Variants in CAT observed in about 807,000 individuals in gnomAD.
The protein encoded by CAT is catalase.
Under a neutral mutation model 59.0 loss-of-function variants are expected in CAT, and 43 were observed. That is an observed-to-expected ratio of 0.73 (90% CI 0.57 to 0.94). The LOEUF is 0.94. Among genes scored for constraint, CAT ranks in the 40% least tolerant of loss-of-function variants. The probability of loss-of-function intolerance (pLI) is 0.00; values close to 1 mark genes in which losing one functional copy is unlikely to be tolerated. For synonymous variants in CAT, 218 were observed against 230.9 expected (o/e 0.94, Z 0.51); for missense variants, 664 against 682.9 (o/e 0.97, Z 0.31).
At chr11:34,458,452 C>T (rs1856614862) in intron 8 of CAT, among the ~76,000 whole-genome samples, 1 of 152,124 alleles carries the variant, frequency 6.6e-6, no homozygotes, top group African/African-American at 2.4e-5. Context: ...TTGGGAATAG[C>T]AAAAGGAAAG....
chr11:34,453,025 A>G, intron 4 of CAT, 65 bp from the exon 5 acceptor site: 1 of 950,424 alleles, frequency 1.1e-6, no homozygotes, highest in Non-Finnish European at 1.7e-6. Flanking sequence ...GGCATATATA[A>G]TGAAAGACAC....
intron 12 of CAT, 36 bp from the exon 13 acceptor site, chr11:34,471,332 G>A: frequency 6.5e-7 from 1 of 1,528,580 alleles, no homozygotes; most frequent in Non-Finnish European, 9.1e-7. Context: ...CTGCCCATGA[G>A]GTGATTAACC....
At position 34,438,968 on chromosome 11, in the gene CAT, A is replaced by G; in HGVS notation, c.-46A>G. ...ATTTGCCTGCTGAGGGTGGAGACCC[A>G]CGAGCCGAGGCCTCCTGCAGTGTTC... On this transcript the variant is annotated 5_prime_UTR_variant, in exon 1 of 13. Transcript: ENST00000241052. 1 of 1,528,624 alleles carries G rather than the reference A, an allele frequency of 6.5e-7. No homozygotes were observed. The highest frequency in any genetic ancestry group is 8.9e-7 in the Non-Finnish European group (1 of 1,125,014). The allele number at this position is 1,528,624 out of a possible 1,614,324, so 94.7% of individuals were successfully genotyped here. A position where few individuals can be genotyped will look rare whatever the true frequency, so the allele number is the denominator to read the frequency against.
Position 34,445,179 on chromosome 11 carries a change from A to G in CAT, c.67-4013A>G, listed in dbSNP as rs796908184. On this transcript the variant is annotated intron_variant, in intron 1 of 12. Coordinates refer to ENST00000241052, the MANE Select transcript of CAT (RefSeq NM_001752.4). The stretch of plus-strand genomic sequence containing the variant: ...TCAGGTATATAGATGTAAAAGGAGT[A>G]CACAGTCTAGAGAGGAAAAATAGTG... 5.3e-4 allele frequency among the ~76,000 whole-genome samples: 81 copies of G among 152,166 alleles called. 1 individual carries two copies. The highest frequency in any genetic ancestry group is 1.7e-3 in the African/African-American group (72 of 41,508).
At chr11:34,459,281 TA>T (rs773203586) in intron 8 of CAT, among the ~76,000 whole-genome samples, 20 of 152,110 alleles carry the variant, frequency 1.3e-4, no homozygotes, top group Non-Finnish European at 2.8e-4. Flanking sequence ...GAAAGCCAGT[TA>T]GGGGGGCTTT....
At chr11:34,445,772 A>G (rs542841667) in intron 1 of CAT, among the ~76,000 whole-genome samples, 1 of 152,262 alleles carries the variant, frequency 6.6e-6, no homozygotes, top group South Asian at 2.1e-4. Context: ...TTCTGGCTCT[A>G]AAGTTATTCA....
At chr11:34,444,324 A>G (rs1387992074) in intron 1 of CAT, among the ~76,000 whole-genome samples, 1 of 152,224 alleles carries the variant, frequency 6.6e-6, no homozygotes, top group Admixed American at 6.5e-5. Flanking sequence ...CTCTTTCACA[A>G]GGAATAATAG....
rs35849009 is a variant in CAT at position 34,446,747 on chromosome 11, C to CTT, written c.67-2435_67-2434dup. Among the ~76,000 whole-genome samples, 185 of 147,746 alleles carry CTT rather than the reference C, an allele frequency of 1.3e-3. 1 individual carries two copies. Among genetic ancestry groups the CTT allele is most frequent in the African/African-American group, 3.8e-3 (155 of 40,394 alleles). On this transcript the variant is annotated intron_variant, in intron 1 of 12. Transcript: ENST00000241052. ...TGTACCTTTTATGGGATGTCCCCCC[C>CTT]TTTTTTTTTTTGAGACGGAGTTTCG... is the stretch of plus-strand genomic sequence containing the variant.
chr11:34,448,032 T>G (rs146521963), intron 1 of CAT, among the ~76,000 whole-genome samples: 89 of 152,306 alleles, frequency 5.8e-4, no homozygotes, highest in African/African-American at 2.0e-3. Flanking sequence ...TGTTTATTAG[T>G]TTTGCAAATT....
intron 10 of CAT, 124 bp from the exon 11 acceptor site, chr11:34,468,164 T>C (rs992159176): frequency 3.7e-5 from 29 of 778,952 alleles, no homozygotes; most frequent in Non-Finnish European, 3.6e-5. Flanking sequence ...AATTTAAAAT[T>C]TAAAATTATT....
chr11:34,456,135 T>C lies in CAT; in HGVS notation c.836T>C (p.Phe279Ser). 1 of 1,614,062 alleles carries C rather than the reference T, an allele frequency of 6.2e-7. No homozygotes were observed. Among genetic ancestry groups the C allele is most frequent in the Non-Finnish European group, 8.5e-7 (1 of 1,179,924 alleles). ...IATGKYPSWT[F>S]YIQVMTFNQA... is the part of the protein sequence containing the mutation. ...ACAGGAAAGTACCCCTCCTGGACTT[T>C]TTACATCCAGGTCATGACATTTAAT... The change falls in exon 7 of 13, where the codon TTT becomes TCT. Residue 279 changes from phenylalanine to serine, a missense_variant. By Grantham distance (155) the Phe-to-Ser change is radical. Coordinates refer to ENST00000241052, the MANE Select transcript of CAT (RefSeq NM_001752.4).
chr11:34,454,138 A>G (rs896493983), intron 6 of CAT, among the ~76,000 whole-genome samples: 4 of 152,164 alleles, frequency 2.6e-5, no homozygotes, highest in African/African-American at 4.8e-5. Flanking sequence ...ATCACTTCCA[A>G]CATCCAATAG....
rs534846690 is a variant in CAT at position 34,464,099 on chromosome 11, T to C, written c.1196-6T>C. The C allele has an allele frequency of 6.2e-7, 1 of 1,614,236 alleles. No homozygotes were observed. The highest frequency in any genetic ancestry group is 1.3e-5 in the African/African-American group (1 of 75,054). ...CTAAGTGCATCTGGGTGGTTTTGTT[T>C]TGAAGGTGGTGCTCCAAATTACTAC... On this transcript the variant is annotated splice_polypyrimidine_tract_variant and splice_region_variant and intron_variant, in intron 9 of 12. Transcript: ENST00000241052.
At chr11:34,441,766 C>T (rs953328915) in intron 1 of CAT, among the ~76,000 whole-genome samples, 6 of 152,020 alleles carry the variant, frequency 3.9e-5, no homozygotes, top group Non-Finnish European at 8.8e-5. Context: ...TGCACTCTAG[C>T]CTGGGTGACA....
At chr11:34,451,647 G>A (rs1856524741) in intron 3 of CAT, among the ~76,000 whole-genome samples, 1 of 152,082 alleles carries the variant, frequency 6.6e-6, no homozygotes, top group Non-Finnish European at 1.5e-5. Context: ...AAATACTGTG[G>A]AATGTAAAAA....
At chr11:34,444,513 C>T (rs1369526552) in intron 1 of CAT, among the ~76,000 whole-genome samples, 2 of 152,088 alleles carry the variant, frequency 1.3e-5, no homozygotes, top group South Asian at 2.1e-4. Context: ...TGGGTGTATA[C>T]GTTGTAGGCA....
intron 10 of CAT, among the ~76,000 whole-genome samples, chr11:34,464,560 C>G (rs1856691715): frequency 6.6e-6 from 1 of 152,128 alleles, no homozygotes; most frequent in Non-Finnish European, 1.5e-5. Flanking sequence ...GGAGACAAAT[C>G]TAAGAATCTG....
intron 2 of CAT, among the ~76,000 whole-genome samples, chr11:34,450,282 G>A (rs1352339069): frequency 1.3e-5 from 2 of 152,182 alleles, no homozygotes; most frequent in African/African-American, 4.8e-5. Context: ...AAAATTTGGG[G>A]TAGTTATGTT....
At chr11:34,457,554 A>G (rs1182563052) in intron 8 of CAT, among the ~76,000 whole-genome samples, 1 of 152,164 alleles carries the variant, frequency 6.6e-6, no homozygotes, top group East Asian at 1.9e-4. Flanking sequence ...TTGTAAAAAG[A>G]GATCTAGGGA....
Sources: allele counts gnomAD v4.1 joint callset (sites outside exome capture counted in the v4.1 genomes callset), GRCh38; gene constraint gnomAD v4.1.1; transcripts MANE v1.5; gene names NCBI Gene and HGNC (gene_info 2026-07-23, HGNC 2026-07-21).